Variants in SLC6A15 observed in about 807,000 individuals in gnomAD.
SLC6A15 encodes solute carrier family 6 member 15, also known as sodium-dependent neutral amino acid transporter B(0)AT2.
Under a neutral mutation model 68.5 loss-of-function variants are expected in SLC6A15, and 33 were observed. That is an observed-to-expected ratio of 0.48 (90% CI 0.37 to 0.64). SLC6A15 has a LOEUF of 0.64. Among genes scored for constraint, SLC6A15 ranks in the 30% least tolerant of loss-of-function variants. The pLI is 0.00. For synonymous variants in SLC6A15, 347 were observed against 301.0 expected, an observed-to-expected ratio of 1.15 and a Z score of -1.58; for missense variants, 747 against 874.3, an observed-to-expected ratio of 0.85 and a Z score of 1.84.
At position 84,892,250 on chromosome 12, in the gene SLC6A15, A is replaced by T; in HGVS notation, c.-130T>A. ...GAGGATGATATCAAATAAATCCTTG[A>T]TTCAAGGTGATAAAGCCTTATGGAT... On this transcript the variant is annotated 5_prime_UTR_variant, in exon 2 of 12. Coordinates refer to ENST00000266682, the MANE Select transcript of SLC6A15 (RefSeq NM_182767.6). The T allele has an allele frequency of 1.2e-6, 1 of 835,788 alleles. No homozygotes were observed. Among genetic ancestry groups the T allele is most frequent in the Non-Finnish European group, 1.8e-6 (1 of 554,798 alleles). The allele number at this position is 835,788 out of a possible 1,614,324, so 51.8% of individuals were successfully genotyped here.
chr12:84,862,596 T>A (rs976415616), intron 11 of SLC6A15, among the ~76,000 whole-genome samples: 4 of 152,114 alleles, frequency 2.6e-5, no homozygotes, highest in Non-Finnish European at 5.9e-5. Context: ...GCACTTTTAT[T>A]TTATAACAGC....
chr12:84,901,516 T>C (rs1872876229), intron 1 of SLC6A15, among the ~76,000 whole-genome samples: 1 of 151,882 alleles, frequency 6.6e-6, no homozygotes, highest in African/African-American at 2.4e-5. Context: ...CTTGCTATAA[T>C]ATGTTCACTA....
intron 5 of SLC6A15, chr12:84,881,769 T>C: frequency 1.1e-6 from 1 of 915,702 alleles, no homozygotes; most frequent in Non-Finnish European, 1.3e-6. Flanking sequence ...CATTTTCTGT[T>C]TAGTAGGTAA....
At chr12:84,890,705 T>G (rs1872348240) in intron 2 of SLC6A15, among the ~76,000 whole-genome samples, 1 of 152,220 alleles carries the variant, frequency 6.6e-6, no homozygotes, top group African/African-American at 2.4e-5. Context: ...CCATAACATC[T>G]TAGAGTTTCA....
chr12:84,891,529 A>G (rs953535123), intron 2 of SLC6A15, among the ~76,000 whole-genome samples: 1 of 152,204 alleles, frequency 6.6e-6, no homozygotes, highest in Non-Finnish European at 1.5e-5. Context: ...ATTTACAAGC[A>G]CAAACGATGC....
chr12:84,896,919 G>A (rs1196602537), intron 1 of SLC6A15, among the ~76,000 whole-genome samples: 3 of 152,192 alleles, frequency 2.0e-5, no homozygotes, highest in Admixed American at 6.5e-5. Flanking sequence ...GGCCAGGTGT[G>A]GTGGCTCACG....
chr12:84,892,133 G>C lies in SLC6A15; in HGVS notation c.-13C>G, dbSNP rs768296728. On this transcript the variant is annotated 5_prime_UTR_variant, in exon 2 of 12. Transcript: ENST00000266682. ...TATTTTTGGGCATTGGAGAGTATGC[G>C]AAGTATTTAAAAAAAAAAAAAAAAA... 9.6e-6 allele frequency: 14 copies of C among 1,451,876 alleles called. No homozygotes were observed. In the Admixed American group the frequency reaches 1.7e-4, roughly 18 times the overall value. The allele number at this position is 1,451,876 out of a possible 1,614,324, so 89.9% of individuals were successfully genotyped here. A position where few individuals can be genotyped will look rare whatever the true frequency, so the allele number is the denominator to read the frequency against.
At chr12:84,887,320 A>G (rs184509058) in intron 2 of SLC6A15, among the ~76,000 whole-genome samples, 16 of 152,332 alleles carry the variant, frequency 1.1e-4, no homozygotes, top group African/African-American at 3.8e-4. Context: ...TTAATGGAAT[A>G]TTTAGTGGAA....
chr12:84,869,457 TCC>T (rs1167782149), intron 9 of SLC6A15, among the ~76,000 whole-genome samples: 1 of 87,328 alleles, frequency 1.1e-5, no homozygotes, highest in Admixed American at 1.8e-4. Context: ...AGAGCAAGAC[TCC>T]GTCTCAAAAA....
intron 5 of SLC6A15, chr12:84,882,569 A>G (rs1289864706): frequency 1.6e-6 from 1 of 642,980 alleles, no homozygotes; most frequent in Non-Finnish European, 1.9e-6. Context: ...GCCCTAAAAG[A>G]GTTGACTAAT....
chr12:84,877,367 C>T (rs914596811), intron 5 of SLC6A15, among the ~76,000 whole-genome samples: 6 of 152,136 alleles, frequency 3.9e-5, no homozygotes, highest in Non-Finnish European at 7.4e-5. Flanking sequence ...ATAATATTCT[C>T]CTAACTGAAT....
intron 1 of SLC6A15, among the ~76,000 whole-genome samples, chr12:84,909,248 T>C (rs1051506021): frequency 1.3e-5 from 2 of 152,150 alleles, no homozygotes; most frequent in Admixed American, 6.5e-5. Flanking sequence ...ATGCATTCTA[T>C]TTAAAAATAA....
At position 84,876,588 on chromosome 12, in the gene SLC6A15, A is replaced by T. The variant is rs1255940615; in HGVS notation, c.776T>A (p.Leu259Gln). The T allele has an allele frequency of 6.4e-7, 1 of 1,564,792 alleles. No individual in the cohort carries two copies. The highest frequency in any genetic ancestry group is 8.7e-7 in the Non-Finnish European group (1 of 1,148,546). ...GCAAATAAGTACCACATATGGAAAC[A>T]GAGAACTAAAATATATGATCTGCAA... is the stretch of plus-strand genomic sequence containing the variant. Reference protein sequence around the residue: ...SSGKIIYFSSLFPYVVLICFL... With the variant: ...SSGKIIYFSSQFPYVVLICFL... Residue 259 changes from leucine to glutamine, a missense_variant, in exon 6 of 12, where the codon CTG (leucine) becomes CAG (glutamine). Physicochemically the swap from Leu to Gln is moderately radical, Grantham distance 113. Transcript: ENST00000266682.
intron 1 of SLC6A15, among the ~76,000 whole-genome samples, chr12:84,909,583 A>G (rs1172020965): frequency 6.6e-6 from 1 of 152,200 alleles, no homozygotes; most frequent in Admixed American, 6.5e-5. Context: ...CATGCATCCA[A>G]CTATGCCTGT....
chr12:84,867,816 C>G (rs1871123556), intron 9 of SLC6A15: 1 of 152,046 alleles, frequency 6.6e-6, no homozygotes, highest in Non-Finnish European at 1.5e-5. Context: ...TCTGATCATC[C>G]ACATAACATC....
At chr12:84,876,206 A>G (rs1464752747) in intron 6 of SLC6A15, among the ~76,000 whole-genome samples, 1 of 151,992 alleles carries the variant, frequency 6.6e-6, no homozygotes, top group African/African-American at 2.4e-5. Context: ...AAAATTCTGA[A>G]GTCTAATCAG....
At chr12:84,883,632 T>C in intron 5 of SLC6A15, 5 of 1,430,562 alleles carry the variant, frequency 3.5e-6, no homozygotes, top group Non-Finnish European at 2.8e-6. Flanking sequence ...CTTGTTGAAA[T>C]AAGGAAAGAT....
chr12:84,883,440 A>T (rs1322493728), intron 5 of SLC6A15: 1 of 1,104,226 alleles, frequency 9.1e-7, no homozygotes, highest in African/African-American at 1.7e-5. Context: ...ATTCCTTAGA[A>T]CACCTACAGC....
At chr12:84,911,039 G>A (rs1873423211) in intron 1 of SLC6A15, among the ~76,000 whole-genome samples, 1 of 152,046 alleles carries the variant, frequency 6.6e-6, no homozygotes, top group South Asian at 2.1e-4. Context: ...GAACGTACAA[G>A]TCAAGCCCAG....
Sources: allele counts gnomAD v4.1 joint callset (sites outside exome capture counted in the v4.1 genomes callset), GRCh38; gene constraint gnomAD v4.1.1; transcripts MANE v1.5; gene names NCBI Gene and HGNC (gene_info 2026-07-23, HGNC 2026-07-21).